The following KANK1 variants were observed in gnomAD, a reference collection of about 807,000 sequenced individuals.
The protein encoded by KANK1 is KN motif and ankyrin repeat domain-containing protein 1.
In KANK1, 109 loss-of-function variants were observed where a neutral mutation model predicts 106.2. That is an observed-to-expected ratio of 1.03 (90% CI 0.88 to 1.20). The LOEUF is 1.20. KANK1 is among the 50% of genes most tolerant of loss of function. The pLI is 0.00. For missense variants in KANK1, 2,399 were observed against 1,710.7 expected (o/e 1.40, Z -7.10); for synonymous variants, 873 against 652.2 (o/e 1.34, Z -5.16).
At chr9:674,280 C>T (rs1815906266) in intron 1 of KANK1, 1 of 151,604 alleles carries the variant, frequency 6.6e-6, no homozygotes, top group Non-Finnish European at 1.5e-5. Flanking sequence ...TAAGGATCAG[C>T]AGGGAGTGGA....
intron 1 of KANK1, among the ~76,000 whole-genome samples, chr9:582,482 C>T (rs1250928345): frequency 1.3e-5 from 2 of 152,132 alleles, no homozygotes; most frequent in African/African-American, 4.8e-5. Context: ...ATCTACCAGC[C>T]TCACTCACAC....
chr9:505,696 G>T (rs1220603157), intron 1 of KANK1, among the ~76,000 whole-genome samples: 2 of 152,218 alleles, frequency 1.3e-5, no homozygotes, highest in Non-Finnish European at 2.9e-5. Flanking sequence ...GTCCGCCAGC[G>T]CTCGCTTTCC....
At chr9:699,193 A>G (rs911825460) in intron 2 of KANK1, among the ~76,000 whole-genome samples, 1 of 152,174 alleles carries the variant, frequency 6.6e-6, no homozygotes, top group Non-Finnish European at 1.5e-5. Flanking sequence ...GTTCCAACAT[A>G]ACGCCTGCAT....
At chr9:658,574 T>TA (rs1563939241) in intron 1 of KANK1, among the ~76,000 whole-genome samples, 1 of 152,120 alleles carries the variant, frequency 6.6e-6, no homozygotes, top group Non-Finnish European at 1.5e-5. Flanking sequence ...CCCTAGGTCT[T>TA]AAAGATCTTC....
chr9:717,332 T>C lies in KANK1; in HGVS notation c.2698+3868T>C, dbSNP rs78495478. Among the ~76,000 whole-genome samples, 656 of 152,114 alleles carry C rather than the reference T, an allele frequency of 4.3e-3. 2 individuals carry two copies. The highest frequency in any genetic ancestry group is 0.015 in the African/African-American group (614 of 41,504). On this transcript the variant is annotated intron_variant, in intron 3 of 11. Transcript: ENST00000382297. ...GAAATTAAAAGTTCAGAAGAGCATATAATAAAAGAGTTAAAGCCTCCCTGG... is the reference window on the plus strand; with the variant it reads ...GAAATTAAAAGTTCAGAAGAGCATACAATAAAAGAGTTAAAGCCTCCCTGG...
At position 744,891 on chromosome 9, in the gene KANK1, C is replaced by G. The variant is rs963794905; in HGVS notation, c.3997-282C>G. On this transcript the variant is annotated intron_variant, in intron 11 of 11. Transcript: ENST00000382297. ...CCCCTGAGCCCATGGGGATATTTCG[C>G]CATGGTTCTGGCATTGTTCCTGAAG... 7 of 1,412,692 alleles carry G rather than the reference C, an allele frequency of 5.0e-6. No homozygotes were observed. In the African/African-American group the frequency reaches 7.2e-5, roughly 15 times the overall value. The allele number at this position is 1,412,692 out of a possible 1,614,324, so 87.5% of individuals were successfully genotyped here.
At position 603,771 on chromosome 9, in the gene KANK1, T is replaced by C. The variant is rs969234560; in HGVS notation, c.-83-73119T>C. ...TGGAGTCCGAGACCAGTCTGGCCAA[T>C]GTGGCGAAACCCACCCCGTCTCTAC... is the stretch of plus-strand genomic sequence containing the variant. On this transcript the variant is annotated intron_variant, in intron 1 of 11. Coordinates refer to ENST00000382297, the MANE Select transcript of KANK1 (RefSeq NM_015158.5). 6.4e-4 allele frequency among the ~76,000 whole-genome samples: 96 copies of C among 151,172 alleles called. 1 individual carries two copies. The highest frequency in any genetic ancestry group is 7.5e-4 in the Non-Finnish European group (51 of 67,852).
At chr9:500,101 C>G (rs1359581740), upstream of KANK1, among the ~76,000 whole-genome samples, 1 of 152,182 alleles carries the variant, frequency 6.6e-6, no homozygotes, top group Admixed American at 6.5e-5. Flanking sequence ...GTAGAGTGAT[C>G]TTCTTGCACC....
chr9:710,979 G>T lies in KANK1; in HGVS notation c.213G>T (p.Val71=). Residue 71 remains valine, a synonymous_variant, in exon 3 of 12, where the codon GTG becomes GTT. Coordinates refer to ENST00000382297, the MANE Select transcript of KANK1 (RefSeq NM_015158.5). ...TCCAGAAGAGGCGGAAGCCGTCCGT[G>T]CCATGCCCAGAACCCAGGACCACAT... ...LNIQKRRKPS[V]PCPEPRTTSG... 6.2e-7 allele frequency: 1 copy of T among 1,614,166 alleles called. No individual in the cohort carries two copies. The highest frequency in any genetic ancestry group is 8.5e-7 in the Non-Finnish European group (1 of 1,180,022).
chr9:712,664 G>T lies in KANK1; in HGVS notation c.1898G>T (p.Cys633Phe), dbSNP rs945177823. Residue 633 changes from cysteine to phenylalanine, a missense_variant, in exon 3 of 12, where the codon TGT becomes TTT. By Grantham distance (205) the Cys-to-Phe change is radical. Transcript: ENST00000382297. ...GTGCGGTCTATCGGTTGTGGAGATT[G>T]TTCTGTTGACGTGACCGTCTGCTCT... ...KEVRSIGCGD[C>F]SVDVTVCSPK... 1 of 1,614,176 alleles carries T rather than the reference G, an allele frequency of 6.2e-7. No individual in the cohort carries two copies. The highest frequency in any genetic ancestry group is 1.3e-5 in the African/African-American group (1 of 75,046).
chr9:713,613 G>C, intron 3 of KANK1, 149 bp downstream of exon 3: 1 of 874,886 alleles, frequency 1.1e-6, no homozygotes, highest in Non-Finnish European at 1.7e-6. Flanking sequence ...TGAAAACTAA[G>C]AATCAAAATC....
At chr9:735,456 C>T (rs994746018) in intron 7 of KANK1, among the ~76,000 whole-genome samples, 1 of 152,188 alleles carries the variant, frequency 6.6e-6, no homozygotes, top group African/African-American at 2.4e-5. Flanking sequence ...TAATGTGACA[C>T]CATGGCCAAG....
chr9:673,672 G>C (rs1448435448), intron 1 of KANK1: 1 of 152,156 alleles, frequency 6.6e-6, no homozygotes, highest in Non-Finnish European at 1.5e-5. Context: ...TAACAGGAGA[G>C]GACCTTGGGC....
intron 1 of KANK1, among the ~76,000 whole-genome samples, chr9:519,221 G>C (rs952546792): frequency 6.6e-6 from 1 of 151,604 alleles, no homozygotes; most frequent in African/African-American, 2.4e-5. Context: ...CCTTATAATT[G>C]TGTCTTTTCC....
At chr9:744,660 G>T in intron 11 of KANK1, 71 bp downstream of exon 11, 1 of 1,612,670 alleles carries the variant, frequency 6.2e-7, no homozygotes, top group Non-Finnish European at 8.5e-7. Context: ...CTTCCTCCAG[G>T]AATTGACGGG....
intron 1 of KANK1, among the ~76,000 whole-genome samples, chr9:506,543 T>TGTGTGC (rs1279357245): frequency 2.6e-4 from 34 of 129,122 alleles, no homozygotes; most frequent in Non-Finnish European, 3.3e-4. Context: ...TGTGTGTGTG[T>TGTGTGC]GTGTGCGTGT....
chr9:701,810 A>C (rs1822745538), intron 2 of KANK1, among the ~76,000 whole-genome samples: 1 of 152,212 alleles, frequency 6.6e-6, no homozygotes, highest in African/African-American at 2.4e-5. Flanking sequence ...TATGTCTTTC[A>C]AAACCATGTA....
At chr9:731,049 A>G (rs1388382467) in intron 4 of KANK1, 109 bp from the exon 5 acceptor site, 4 of 519,550 alleles carry the variant, frequency 7.7e-6, no homozygotes, top group African/African-American at 4.0e-5. Context: ...TCACATATAT[A>G]TGCCAAGATC....
intron 1 of KANK1, among the ~76,000 whole-genome samples, chr9:640,113 A>G (rs1838060947): frequency 6.6e-6 from 1 of 152,182 alleles, no homozygotes; most frequent in Non-Finnish European, 1.5e-5. Context: ...TGAGTTAAGA[A>G]ACCAAGAGTT....
Sources: allele counts gnomAD v4.1 joint callset (sites outside exome capture counted in the v4.1 genomes callset), GRCh38; gene constraint gnomAD v4.1.1; transcripts MANE v1.5; gene names NCBI Gene and HGNC (gene_info 2026-07-23, HGNC 2026-07-21).